DPY19L1: variants seen among roughly 807,000 people sequenced by gnomAD.
DPY19L1 encodes dpy-19 like C-mannosyltransferase 1, also known as protein C-mannosyl-transferase DPY19L1.
Under a neutral mutation model 96.9 loss-of-function variants are expected in DPY19L1, and 35 were observed. That is an observed-to-expected ratio of 0.36 (90% confidence interval 0.28 to 0.48). DPY19L1 has a LOEUF of 0.48. Among genes scored for constraint, DPY19L1 ranks in the 20% least tolerant of loss-of-function variants. The probability of loss-of-function intolerance (pLI) is 0.99; values close to 1 mark genes in which losing one functional copy is unlikely to be tolerated. For synonymous variants in DPY19L1, 205 were observed against 252.6 expected (o/e 0.81, Z 1.79); for missense variants, 521 against 777.9 (o/e 0.67, Z 3.93).
upstream of DPY19L1, chr7:35,037,669 G>T (rs192676669): frequency 0.025 from 6,381 of 256,820 alleles, 102 homozygotes; most frequent in Non-Finnish European, 0.032. Context: ...GGAACGCCGG[G>T]GGGCGGGGGC....
chr7:34,975,101 C>T (rs1302242910), intron 7 of DPY19L1, among the ~76,000 whole-genome samples: 1 of 152,028 alleles, frequency 6.6e-6, no homozygotes, highest in East Asian at 1.9e-4. Flanking sequence ...AATTAATAAG[C>T]CTAAAAGGGC....
intron 15 of DPY19L1, among the ~76,000 whole-genome samples, chr7:34,946,700 T>C (rs535232061): frequency 9.8e-5 from 15 of 152,304 alleles, no homozygotes; most frequent in African/African-American, 3.6e-4. Flanking sequence ...ATACCAGACA[T>C]AGCCCAACGA....
intron 3 of DPY19L1, among the ~76,000 whole-genome samples, chr7:35,017,541 A>G (rs1321950220): frequency 3.0e-5 from 4 of 133,104 alleles, no homozygotes; most frequent in South Asian, 2.5e-4. Context: ...GCATGGTGGC[A>G]GGCACCTGTA....
intron 3 of DPY19L1, among the ~76,000 whole-genome samples, chr7:35,016,263 CAAA>C (rs1785845821): frequency 6.6e-6 from 1 of 152,038 alleles, no homozygotes; most frequent in African/African-American, 2.4e-5. Context: ...ACATCAAGGG[CAAA>C]CAAGGAGAGC....
chr7:35,018,931 T>C (rs1562828951), intron 1 of DPY19L1, among the ~76,000 whole-genome samples: 1 of 151,824 alleles, frequency 6.6e-6, no homozygotes, highest in Non-Finnish European at 1.5e-5. Context: ...AATAAAGAAA[T>C]ATGGTGGCTG....
chr7:34,962,797 T>C (rs1334411644), intron 10 of DPY19L1, among the ~76,000 whole-genome samples: 1 of 152,176 alleles, frequency 6.6e-6, no homozygotes, highest in Admixed American at 6.5e-5. Flanking sequence ...GGTTTATCAA[T>C]TGTAACAAAT....
At position 34,973,883 on chromosome 7, in the gene DPY19L1, G is replaced by T. The variant is rs368712676; in HGVS notation, c.823-278C>A. On this transcript the variant is annotated intron_variant, in intron 7 of 21. Coordinates refer to ENST00000638088, the MANE Select transcript of DPY19L1 (RefSeq NM_001366673.1). ...TGCAACTACATCTTAAAAGGAAAGGGAGGAAAGTACCAGCAAGAAAACGTT... is the reference window on the plus strand; with the variant it reads ...TGCAACTACATCTTAAAAGGAAAGGTAGGAAAGTACCAGCAAGAAAACGTT... 7.9e-5 allele frequency among the ~76,000 whole-genome samples: 12 copies of T among 152,216 alleles called. No homozygotes were observed. In the East Asian group the frequency reaches 1.4e-3, roughly 17 times the overall value.
chr7:35,011,165 C>T (rs1393915081), intron 5 of DPY19L1, among the ~76,000 whole-genome samples, 165 bp downstream of exon 5: 10 of 152,178 alleles, frequency 6.6e-5, no homozygotes, highest in Non-Finnish European at 1.3e-4. Context: ...TGGACATAAA[C>T]CAGCCCCGCT....
At chr7:34,997,297 CA>C (rs896530528) in intron 6 of DPY19L1, among the ~76,000 whole-genome samples, 327 of 130,418 alleles carry the variant, frequency 2.5e-3, no homozygotes, top group Middle Eastern at 3.7e-3. Context: ...AATATTAATT[CA>C]AAAAAAAAAA....
At chr7:34,938,459 A>G (rs1260209750) in intron 20 of DPY19L1, among the ~76,000 whole-genome samples, 1 of 152,248 alleles carries the variant, frequency 6.6e-6, no homozygotes. Context: ...AACTACAACA[A>G]ACACAACTAT....
At chr7:35,009,910 T>C (rs1203841518) in intron 6 of DPY19L1, among the ~76,000 whole-genome samples, 1 of 152,148 alleles carries the variant, frequency 6.6e-6, no homozygotes, top group Non-Finnish European at 1.5e-5. Flanking sequence ...GGAATATATA[T>C]TGCTTATGTT....
At position 34,940,198 on chromosome 7, in the gene DPY19L1, G is replaced by A; in HGVS notation, c.1819C>T (p.Pro607Ser). ...ATCCATTCTATAAGTTCTTCTTGGG[G>A]CAAATTGCTGAACTCCCCTACAATA... ...WNIVGEFSNL[P>S]QEELIEWIKY... The change falls in exon 19 of 22, where the codon CCC becomes TCC. Residue 607 changes from proline (P) to serine (S), a missense_variant. By Grantham distance (74) the Pro-to-Ser change is moderately conservative. Transcript: ENST00000638088. 1 of 1,603,332 alleles carries A rather than the reference G, an allele frequency of 6.2e-7. No individual in the cohort carries two copies. The highest frequency in any genetic ancestry group is 1.1e-5 in the South Asian group (1 of 89,892).
chr7:34,942,719 C>T (rs766497369), intron 16 of DPY19L1, 80 bp from the exon 17 acceptor site: 139 of 1,241,412 alleles, frequency 1.1e-4, no homozygotes, highest in South Asian at 1.8e-4. Flanking sequence ...ATCTTGCAAA[C>T]AGGAGTTTTA....
At chr7:35,020,418 T>A (rs905814878) in intron 1 of DPY19L1, among the ~76,000 whole-genome samples, 5 of 152,202 alleles carry the variant, frequency 3.3e-5, no homozygotes, top group African/African-American at 1.2e-4. Context: ...TATATAGGTA[T>A]GTGTATATAT....
chr7:34,993,409 G>A (rs1050865638), intron 6 of DPY19L1, among the ~76,000 whole-genome samples: 2 of 149,876 alleles, frequency 1.3e-5, no homozygotes, highest in Non-Finnish European at 3.0e-5. Context: ...GCTAGACTCT[G>A]TTCTATTTCA....
At chr7:35,024,454 T>C (rs965320697) in intron 1 of DPY19L1, among the ~76,000 whole-genome samples, 3 of 152,190 alleles carry the variant, frequency 2.0e-5, no homozygotes, top group African/African-American at 7.2e-5. Context: ...AAGTCATCAG[T>C]ATTGGTTTCC....
intron 11 of DPY19L1, among the ~76,000 whole-genome samples, chr7:34,957,401 C>A (rs1252315155): frequency 1.3e-5 from 2 of 151,326 alleles, no homozygotes; most frequent in African/African-American, 4.9e-5. Flanking sequence ...AACAAACAAA[C>A]AAAAAAACAA....
intron 11 of DPY19L1, among the ~76,000 whole-genome samples, chr7:34,956,434 C>T (rs1382735582): frequency 6.6e-6 from 1 of 151,634 alleles, no homozygotes; most frequent in Admixed American, 6.6e-5. Context: ...ATTTCTGTAG[C>T]TAAGTATACT....
chr7:34,933,001 A>G (rs1783788106), intron 21 of DPY19L1, among the ~76,000 whole-genome samples: 1 of 152,216 alleles, frequency 6.6e-6, no homozygotes, highest in South Asian at 2.1e-4. Context: ...CCTTTAATTT[A>G]TAATAATCAG....
Sources: gnomAD v4.1 joint callset for allele counts (sites outside exome capture counted in the v4.1 genomes callset) on GRCh38, gnomAD v4.1.1 for gene constraint, MANE v1.5 for transcripts, NCBI Gene and HGNC (gene_info 2026-07-23, HGNC 2026-07-21) for gene names.